The following CDH2 variants were observed in gnomAD, a reference collection of about 807,000 sequenced individuals.
CDH2 encodes cadherin 2.
In CDH2, 17 loss-of-function variants were observed where a neutral mutation model predicts 92.0. The ratio of observed to expected loss-of-function variants is 0.18; its 90% CI spans 0.13 to 0.28. The LOEUF (loss-of-function observed/expected upper bound fraction) is 0.28, where lower values mean the gene tolerates loss of function less well. CDH2 is among the 10% of genes least tolerant of loss of function. The pLI is 1.00. For missense variants in CDH2, 862 were observed against 1,133.1 expected (o/e 0.76, Z 3.44); for synonymous variants, 419 against 415.9 (o/e 1.01, Z -0.09).
At chr18:27,941,841 A>G (rs761853872) in intron 6 of CDH2, among the ~76,000 whole-genome samples, 2 of 152,164 alleles carry the variant, frequency 1.3e-5, no homozygotes, top group Non-Finnish European at 2.9e-5. Flanking sequence ...CTTCCAGGCA[A>G]TTTAATCGAT....
At chr18:27,950,935 C>T (rs200243351), downstream of CDH2, 1 of 152,424 alleles carries the variant, frequency 6.6e-6, no homozygotes, top group Non-Finnish European at 1.5e-5. Context: ...CAAAGCAGCT[C>T]AAGTAGAAAA....
chr18:28,045,477 G>A, intron 2 of CDH2: 1 of 462,914 alleles, frequency 2.2e-6, no homozygotes, highest in South Asian at 1.6e-5. Flanking sequence ...CTCTCATCAT[G>A]GTCTTGTAAA....
intron 2 of CDH2, among the ~76,000 whole-genome samples, chr18:28,071,843 C>T (rs921050778): frequency 1.3e-5 from 2 of 152,040 alleles, no homozygotes; most frequent in African/African-American, 4.8e-5. Flanking sequence ...ACACTATTAA[C>T]CCTAAAGGTA....
chr18:27,959,517 G>A (rs2143874688), intron 15 of CDH2: 1 of 152,196 alleles, frequency 6.6e-6, no homozygotes, highest in South Asian at 2.1e-4. Flanking sequence ...CTTTCTAGGT[G>A]CTTTCAACTG....
intron 2 of CDH2, among the ~76,000 whole-genome samples, chr18:28,109,479 T>TA (rs2015375919): frequency 1.3e-5 from 2 of 152,160 alleles, no homozygotes; most frequent in South Asian, 4.1e-4. Context: ...AATGAAAACT[T>TA]ACAGCTGAAT....
chr18:28,042,575 G>A lies in CDH2; in HGVS notation c.173-28666C>T, dbSNP rs17493989. 5.4e-3 allele frequency among the ~76,000 whole-genome samples: 817 copies of A among 152,168 alleles called. 11 individuals carry two copies. Among genetic ancestry groups the A allele is most frequent in the African/African-American group, 0.019 (771 of 41,492 alleles). On this transcript the variant is annotated intron_variant, in intron 2 of 15. Coordinates refer to ENST00000269141, the MANE Select transcript of CDH2 (RefSeq NM_001792.5). ...TCATTCATTCAACAAGCACTTACTG[G>A]GTACCTATTATGTTCCAGGCACTGT...
chr18:28,008,848 T>C (rs2013017463), intron 5 of CDH2, among the ~76,000 whole-genome samples: 1 of 152,166 alleles, frequency 6.6e-6, no homozygotes. Context: ...AACACATCCA[T>C]GCACATGTGG....
rs1320380714 is a variant in CDH2, at chr18:28,056,611, C to T, written c.173-42702G>A. On this transcript the variant is annotated intron_variant, in intron 2 of 15. Transcript: ENST00000269141. The stretch of plus-strand genomic sequence containing the variant: ...CTGGCTAAATAAACGACTATTATTT[C>T]ACAGTGACCTGTGATCCCATTTTGA... Among the ~76,000 whole-genome samples the T allele has an allele frequency of 4.6e-5, 7 of 152,282 alleles. No individual in the cohort carries two copies. In the South Asian group the frequency reaches 1.2e-3, roughly 27 times the overall value.
intron 2 of CDH2, among the ~76,000 whole-genome samples, chr18:28,115,086 G>C (rs1456232712): frequency 6.6e-6 from 1 of 152,128 alleles, no homozygotes; most frequent in Non-Finnish European, 1.5e-5. Context: ...CAGAAATTCA[G>C]TGGGCTGAGA....
Position 28,177,082 on chromosome 18 carries a change from G to C in CDH2, c.-60C>G, listed in dbSNP as rs2016560008. 8 of 1,164,188 alleles carry C rather than the reference G, an allele frequency of 6.9e-6. No individual in the cohort carries two copies. The highest frequency in any genetic ancestry group is 9.4e-6 in the Non-Finnish European group (8 of 851,146). The allele number at this position is 1,164,188 out of a possible 1,614,324, so 72.1% of individuals were successfully genotyped here. On this transcript the variant is annotated 5_prime_UTR_variant, in exon 1 of 16. Coordinates refer to ENST00000269141, the MANE Select transcript of CDH2 (RefSeq NM_001792.5). ...AGGCGGCGGCGGCGGCGGCGGCGGCGGAGGAGGAGGAGGCAGCGGCAGCAC... is the reference window on the plus strand; with the variant it reads ...AGGCGGCGGCGGCGGCGGCGGCGGCCGAGGAGGAGGAGGCAGCGGCAGCAC...
chr18:27,953,161 C>T (rs144265338), intron 15 of CDH2, among the ~76,000 whole-genome samples: 5 of 152,078 alleles, frequency 3.3e-5, no homozygotes, highest in South Asian at 2.1e-4. Context: ...TATCTGTACA[C>T]GGTATAAATA....
At chr18:28,010,486 A>G (rs1178215095) in intron 4 of CDH2, among the ~76,000 whole-genome samples, 1 of 152,166 alleles carries the variant, frequency 6.6e-6, no homozygotes, top group Admixed American at 6.5e-5. Context: ...CGCAAACATT[A>G]TATCATTATA....
rs371294496 is a variant in CDH2 at position 28,133,924 on chromosome 18, C to T, written c.172+13749G>A. 5.3e-4 allele frequency among the ~76,000 whole-genome samples: 81 copies of T among 152,050 alleles called. No homozygotes were observed. In the East Asian group the frequency reaches 7.4e-3, roughly 14 times the overall value. On this transcript the variant is annotated intron_variant, in intron 2 of 15. Coordinates refer to ENST00000269141, the MANE Select transcript of CDH2 (RefSeq NM_001792.5). ...CTGTAATCCCAACACTCTGGGAGGC[C>T]GAAGCAGGAGGATGGCTGGGGCCCA... is the stretch of plus-strand genomic sequence containing the variant.
At chr18:28,171,708 G>A (rs2016467082) in intron 1 of CDH2, among the ~76,000 whole-genome samples, 1 of 152,078 alleles carries the variant, frequency 6.6e-6, no homozygotes, top group Non-Finnish European at 1.5e-5. Context: ...CTTCGAAAAG[G>A]AGATGTGTTT....
chr18:27,963,599 T>C (rs1030379281), intron 14 of CDH2, 78 bp from the exon 15 acceptor site: 68 of 1,275,516 alleles, frequency 5.3e-5, no homozygotes, highest in Non-Finnish European at 7.3e-5. Flanking sequence ...TTTAAGCACA[T>C]ACTCAGAACA....
chr18:28,173,389 C>A (rs1012987428), intron 1 of CDH2, among the ~76,000 whole-genome samples: 13 of 152,060 alleles, frequency 8.5e-5, no homozygotes, highest in Non-Finnish European at 1.5e-4. Flanking sequence ...CAAGTTAACT[C>A]TTCTTATTTT....
At chr18:27,986,575 A>C (rs1405707973) in intron 11 of CDH2, among the ~76,000 whole-genome samples, 1 of 152,226 alleles carries the variant, frequency 6.6e-6, no homozygotes, top group Admixed American at 6.5e-5. Flanking sequence ...ACACACACAC[A>C]AATATATAAT....
chr18:27,995,819 C>T (rs1039167339), intron 7 of CDH2, among the ~76,000 whole-genome samples: 5 of 151,998 alleles, frequency 3.3e-5, no homozygotes, highest in African/African-American at 1.2e-4. Context: ...AAAAAAATTC[C>T]ACTTGGTAAA....
intron 2 of CDH2, among the ~76,000 whole-genome samples, chr18:28,047,813 G>A (rs1486909888): frequency 1.4e-5 from 2 of 142,438 alleles, no homozygotes; most frequent in African/African-American, 5.3e-5. Context: ...AGCTTGCAGT[G>A]AGCCGAGATC....
Sources: allele counts gnomAD v4.1 joint callset (sites outside exome capture counted in the v4.1 genomes callset), GRCh38; gene constraint gnomAD v4.1.1; transcripts MANE v1.5; gene names NCBI Gene and HGNC (gene_info 2026-07-23, HGNC 2026-07-21).